DNAJC6: variants seen among roughly 807,000 people sequenced by gnomAD.
DNAJC6 encodes auxilin.
DNAJC6 carries 34 observed loss-of-function variants against 110.0 expected under a neutral mutation model. The ratio of observed to expected loss-of-function variants is 0.31; its 90% CI spans 0.24 to 0.41. The LOEUF (loss-of-function observed/expected upper bound fraction) is 0.41. Ranked by LOEUF, DNAJC6 falls within the 10% of genes least tolerant of loss-of-function variation. DNAJC6 has a pLI of 1.00. For missense variants in DNAJC6, 1,031 were observed against 1,207.8 expected (o/e 0.85, Z 2.17); for synonymous variants, 406 against 437.2 (o/e 0.93, Z 0.89).
chr1:65,406,537 G>A (rs1381327936), intron 16 of DNAJC6, among the ~76,000 whole-genome samples: 1 of 152,178 alleles, frequency 6.6e-6, no homozygotes, highest in Non-Finnish European at 1.5e-5. Flanking sequence ...TATTCCTTTG[G>A]AAGAGGAAGT....
chr1:65,356,764 G>C (rs929159084), intron 1 of DNAJC6, among the ~76,000 whole-genome samples: 23 of 152,066 alleles, frequency 1.5e-4, no homozygotes, highest in Middle Eastern at 6.9e-3. Context: ...GGGAGTTGGT[G>C]GGGGGAAGGA....
chr1:65,364,828 C>G, intron 2 of DNAJC6, 43 bp downstream of exon 2: 1 of 1,604,270 alleles, frequency 6.2e-7, no homozygotes, highest in Non-Finnish European at 8.5e-7. Flanking sequence ...TCCCCATGCT[C>G]TCAAAGGATC....
intron 1 of DNAJC6, among the ~76,000 whole-genome samples, chr1:65,292,743 T>A (rs536016498): frequency 3.2e-4 from 48 of 152,286 alleles, no homozygotes; most frequent in African/African-American, 1.1e-3. Flanking sequence ...CCAGTTTTTT[T>A]ATTTTTTATT....
At chr1:65,386,289 T>C (rs1233882039) in intron 7 of DNAJC6, among the ~76,000 whole-genome samples, 2 of 152,138 alleles carry the variant, frequency 1.3e-5, no homozygotes, top group African/African-American at 2.4e-5. Flanking sequence ...TTAAAGAAGT[T>C]ACAGAATCCA....
chr1:65,403,343 T>A (rs1646046696), intron 15 of DNAJC6, among the ~76,000 whole-genome samples: 1 of 152,234 alleles, frequency 6.6e-6, no homozygotes, highest in Non-Finnish European at 1.5e-5. Context: ...AGTCTAGCTC[T>A]GGAGCTTGCA....
chr1:65,364,898 T>A (rs761057425), intron 2 of DNAJC6, 113 bp downstream of exon 2: 2 of 1,365,676 alleles, frequency 1.5e-6, no homozygotes, highest in Non-Finnish European at 2.0e-6. Context: ...TATAATTTTA[T>A]GGGATCTGAT....
At chr1:65,293,782 T>C (rs1425610563) in intron 1 of DNAJC6, among the ~76,000 whole-genome samples, 1 of 152,210 alleles carries the variant, frequency 6.6e-6, no homozygotes, top group Non-Finnish European at 1.5e-5. Flanking sequence ...GGGGCAGATA[T>C]GCACGTACAG....
intron 1 of DNAJC6, among the ~76,000 whole-genome samples, chr1:65,274,570 G>A (rs1170285036): frequency 6.6e-6 from 1 of 152,182 alleles, no homozygotes. Flanking sequence ...ACTCACCTTG[G>A]CCTCCCAAAG....
At chr1:65,315,915 A>C (rs931350143) in intron 1 of DNAJC6, among the ~76,000 whole-genome samples, 1 of 152,222 alleles carries the variant, frequency 6.6e-6, no homozygotes, top group African/African-American at 2.4e-5. Flanking sequence ...GAGAGAACCA[A>C]AATGAGTTCA....
chr1:65,331,885 A>G (rs1337306015), intron 1 of DNAJC6, among the ~76,000 whole-genome samples: 1 of 152,214 alleles, frequency 6.6e-6, no homozygotes, highest in East Asian at 1.9e-4. Context: ...GAGCTATCAC[A>G]GGACTTATTC....
chr1:65,361,681 TA>T (rs1645598821), intron 1 of DNAJC6, among the ~76,000 whole-genome samples: 1 of 152,218 alleles, frequency 6.6e-6, no homozygotes, highest in Non-Finnish European at 1.5e-5. Context: ...AAGGAACACA[TA>T]TGTACTAGTT....
intron 1 of DNAJC6, among the ~76,000 whole-genome samples, chr1:65,352,888 G>A (rs1341611216): frequency 2.0e-5 from 3 of 152,166 alleles, no homozygotes; most frequent in East Asian, 3.9e-4. Flanking sequence ...TATATGGGGG[G>A]TTGTTTGGGA....
At chr1:65,313,798 T>G (rs2101379315) in intron 1 of DNAJC6, among the ~76,000 whole-genome samples, 1 of 152,368 alleles carries the variant, frequency 6.6e-6, no homozygotes, top group Middle Eastern at 3.4e-3. Flanking sequence ...CAGAGCTCTC[T>G]GCCTTCCCTG....
At chr1:65,319,128 A>G (rs1645173996) in intron 1 of DNAJC6, among the ~76,000 whole-genome samples, 1 of 152,230 alleles carries the variant, frequency 6.6e-6, no homozygotes, top group Non-Finnish European at 1.5e-5. Context: ...GGTCTGAGAT[A>G]CAGGAGATAC....
intron 11 of DNAJC6, among the ~76,000 whole-genome samples, chr1:65,390,738 A>C (rs1645918427): frequency 6.6e-6 from 1 of 152,226 alleles, no homozygotes; most frequent in African/African-American, 2.4e-5. Context: ...CAGTTTGATG[A>C]AAAAGTTGTT....
chr1:65,380,916 GTTTTGTT>G (rs1645813697), intron 5 of DNAJC6, among the ~76,000 whole-genome samples: 1 of 93,566 alleles, frequency 1.1e-5, no homozygotes, highest in Non-Finnish European at 1.8e-5. Context: ...TTTTTGTTTT[GTTTTGTT>G]TTTTTTTTTT....
At chr1:65,306,658 T>C (rs1042134489), upstream of DNAJC6, 6 of 152,194 alleles carry the variant, frequency 3.9e-5, no homozygotes, top group Non-Finnish European at 8.8e-5. Context: ...CCTTTGCCGT[T>C]GTCTCATGTA....
upstream of DNAJC6, among the ~76,000 whole-genome samples, chr1:65,307,475 A>G (rs1051207131): frequency 2.6e-5 from 4 of 152,214 alleles, no homozygotes; most frequent in African/African-American, 9.6e-5. Context: ...AAAATAACTG[A>G]AAGTGCTCTT....
At chr1:65,385,646 C>A (rs1051729823) in intron 6 of DNAJC6, 66 bp from the exon 7 acceptor site, 4 of 1,344,118 alleles carry the variant, frequency 3.0e-6, no homozygotes, top group Non-Finnish European at 3.9e-6. Flanking sequence ...ATCTTCATAG[C>A]AAATATTGAT....
Sources: gnomAD v4.1 joint callset for allele counts (sites outside exome capture counted in the v4.1 genomes callset) on GRCh38, gnomAD v4.1.1 for gene constraint, MANE v1.5 for transcripts, NCBI Gene and HGNC (gene_info 2026-07-23, HGNC 2026-07-21) for gene names.